Variants in NR3C1 observed in about 807,000 individuals in gnomAD.
NR3C1 encodes the protein nuclear receptor subfamily 3 group C member 1.
In NR3C1, 14 loss-of-function variants were observed where a neutral mutation model predicts 74.0. The observed-to-expected ratio is 0.19, with a 90% CI of 0.12 to 0.30. NR3C1 has a LOEUF of 0.30. Among genes scored for constraint, NR3C1 ranks in the 10% least tolerant of loss-of-function variants. The probability of loss-of-function intolerance (pLI) is 1.00; values close to 1 mark genes in which losing one functional copy is unlikely to be tolerated. For missense variants in NR3C1, 695 were observed against 909.8 expected, an observed-to-expected ratio of 0.76 and a Z score of 3.04; for synonymous variants, 308 against 332.5, an observed-to-expected ratio of 0.93 and a Z score of 0.80.
chr5:143,407,466 AT>A (rs966259649), upstream of NR3C1: 1 of 152,244 alleles, frequency 6.6e-6, no homozygotes, highest in African/African-American at 2.4e-5. Flanking sequence ...GCACATTACA[AT>A]GATAGTTCAT....
chr5:143,419,050 T>G (rs1442694052), intron 1 of NR3C1, among the ~76,000 whole-genome samples: 1 of 152,210 alleles, frequency 6.6e-6, no homozygotes, highest in African/African-American at 2.4e-5. Flanking sequence ...CAAAGCTTTT[T>G]GAGTGCTATC....
At chr5:143,335,316 G>A (rs956280353) in intron 2 of NR3C1, among the ~76,000 whole-genome samples, 2 of 152,178 alleles carry the variant, frequency 1.3e-5, no homozygotes, top group Non-Finnish European at 2.9e-5. Flanking sequence ...CCCAACTCAT[G>A]TTTTTACATC....
At chr5:143,397,223 T>C (rs1232995181) in intron 2 of NR3C1, among the ~76,000 whole-genome samples, 1 of 151,882 alleles carries the variant, frequency 6.6e-6, no homozygotes, top group African/African-American at 2.4e-5. Flanking sequence ...TTTTAAAAAG[T>C]CAAATTGCAA....
At chr5:143,317,008 T>C (rs1320419531) in intron 2 of NR3C1, among the ~76,000 whole-genome samples, 6 of 152,134 alleles carry the variant, frequency 3.9e-5, no homozygotes, top group Admixed American at 3.3e-4. Context: ...CAATCAGGCT[T>C]TTGGCATCCC....
chr5:143,391,389 T>C (rs1838194494), intron 2 of NR3C1, among the ~76,000 whole-genome samples: 1 of 152,188 alleles, frequency 6.6e-6, no homozygotes, highest in Non-Finnish European at 1.5e-5. Context: ...GTATTCAATA[T>C]ACTCAAGAGC....
In NR3C1 at chr5:143,417,726, GCC is replaced by G. The variant is rs567474556; in HGVS notation, c.-14+16804_-14+16805del. On this transcript the variant is annotated intron_variant, in intron 1 of 8. Coordinates refer to the NR3C1 transcript ENST00000343796. ...AATACACTAACTTCCTTCAAACGAA[GCC>G]CCTTTTCTCCTTACATCATGGATTG... 2.8e-3 allele frequency among the ~76,000 whole-genome samples: 429 copies of G among 152,162 alleles called. 4 individuals carry two copies. Among genetic ancestry groups the G allele is most frequent in the African/African-American group, 0.01 (417 of 41,506 alleles).
chr5:143,403,149 C>G (rs1200065156), intron 1 of NR3C1, 62 bp downstream of exon 1: 1 of 983,692 alleles, frequency 1.0e-6, no homozygotes, highest in Non-Finnish European at 1.2e-6. Context: ...GAGTTGTCTC[C>G]GGTCCCAGCG....
rs1206415970 is a variant in NR3C1 at position 143,300,766 on chromosome 5, G to A, written c.1469-3C>T. Reference sequence around the variant, plus strand: ...TATTTTTTTCTTTGTTTTTCGAGCTGTGGGTATTTAAACAAATACATAGAA... The same window carrying A: ...TATTTTTTTCTTTGTTTTTCGAGCTATGGGTATTTAAACAAATACATAGAA... On this transcript the variant is annotated splice_region_variant and splice_polypyrimidine_tract_variant and intron_variant, in intron 4 of 8. Transcript: ENST00000394464. This position sits in a 1 kb window ranked among gnomAD's most constrained non-coding sequence, Gnocchi z 5.2. 6.2e-6 allele frequency: 10 copies of A among 1,613,078 alleles called. No individual in the cohort carries two copies. Among genetic ancestry groups the A allele is most frequent in the South Asian group, 1.1e-5 (1 of 91,028 alleles).
At chr5:143,365,686 A>G (rs951957658) in intron 2 of NR3C1, among the ~76,000 whole-genome samples, 2 of 152,242 alleles carry the variant, frequency 1.3e-5, no homozygotes, top group African/African-American at 2.4e-5. Context: ...ACTCTACCCA[A>G]CAAAAGCAGA....
intron 8 of NR3C1, 98 bp downstream of exon 8, chr5:143,282,464 TGGGGGC>T: frequency 9.7e-7 from 1 of 1,026,546 alleles, no homozygotes; most frequent in Non-Finnish European, 1.3e-6. Flanking sequence ...ATCCACAAAC[TGGGGGC>T]GGGGGTGGGG....
intron 2 of NR3C1, among the ~76,000 whole-genome samples, chr5:143,360,377 TA>T (rs1484574625): frequency 2.6e-5 from 4 of 152,248 alleles, no homozygotes; most frequent in African/African-American, 9.6e-5. Context: ...TCTAAATTTA[TA>T]AATGACTGCC....
At chr5:143,420,486 C>T (rs2151959256) in intron 1 of NR3C1, among the ~76,000 whole-genome samples, 1 of 152,308 alleles carries the variant, frequency 6.6e-6, no homozygotes, top group African/African-American at 2.4e-5. Flanking sequence ...TTTGGGGTCC[C>T]TGACTTCCCG....
Position 143,399,848 on chromosome 5 carries a change from A to G in NR3C1, c.992T>C (p.Met331Thr). ...VHGVSTSGGQMYHYDMNTASL... is the reference protein window; with the variant it reads ...VHGVSTSGGQTYHYDMNTASL... ...TGCTGTATTCATGTCATAGTGGTACATCTGTCCTCCAGAGGTACTCACACC... is the reference window on the plus strand; with the variant it reads ...TGCTGTATTCATGTCATAGTGGTACGTCTGTCCTCCAGAGGTACTCACACC... The change falls in exon 2 of 9, where the codon ATG becomes ACG. Residue 331 changes from methionine to threonine, a missense_variant. This residue lies in a region of NR3C1 where 497 missense variants were observed against 489.5 expected (regional missense o/e 1.02). Coordinates refer to ENST00000394464, the MANE Select transcript of NR3C1 (RefSeq NM_000176.3). The G allele has an allele frequency of 1.2e-6, 2 of 1,614,194 alleles. No individual in the cohort carries two copies. The highest frequency in any genetic ancestry group is 1.7e-6 in the Non-Finnish European group (2 of 1,180,020).
intron 7 of NR3C1, among the ~76,000 whole-genome samples, chr5:143,292,591 T>C (rs1561485465): frequency 6.6e-6 from 1 of 152,196 alleles, no homozygotes; most frequent in African/African-American, 2.4e-5. Context: ...ATCTTCACCA[T>C]AAGAACCTTG....
rs10482687 is a variant in NR3C1 at position 143,296,946 on chromosome 5, A to G, written c.1893-1356T>C. On this transcript the variant is annotated intron_variant, in intron 6 of 8. Transcript: ENST00000394464. Reference sequence around the variant, plus strand: ...ACAAAAAATTAGCCAAGTGTGGTGGAGTGCGCCTGTAATCCCAGCTATTCG... The same window carrying G: ...ACAAAAAATTAGCCAAGTGTGGTGGGGTGCGCCTGTAATCCCAGCTATTCG... 7.9e-5 allele frequency among the ~76,000 whole-genome samples: 12 copies of G among 151,888 alleles called. No homozygotes were observed. The East Asian group carries it at 2.3e-3, about 29-fold the overall frequency.
intron 1 of NR3C1, chr5:143,401,287 TGA>T (rs1445813509): frequency 5.4e-4 from 125 of 232,570 alleles, no homozygotes; most frequent in African/African-American, 2.7e-3. Context: ...TTTGCTTTTC[TGA>T]GAACCAATAC....
At chr5:143,383,493 C>G (rs1836626194) in intron 2 of NR3C1, among the ~76,000 whole-genome samples, 1 of 152,226 alleles carries the variant, frequency 6.6e-6, no homozygotes, top group African/African-American at 2.4e-5. Context: ...CAAACATTTA[C>G]TGGGTACCTA....
At chr5:143,289,412 G>C (rs959678540) in intron 7 of NR3C1, among the ~76,000 whole-genome samples, 21 of 152,128 alleles carry the variant, frequency 1.4e-4, no homozygotes, top group African/African-American at 4.6e-4. Context: ...AATGAACCTT[G>C]TCCCTTACCT....
rs138133765 is a variant in NR3C1 at position 143,323,405 on chromosome 5, C to T, written c.1185-9237G>A. On this transcript the variant is annotated intron_variant, in intron 2 of 8. Coordinates refer to ENST00000394464, the MANE Select transcript of NR3C1 (RefSeq NM_000176.3). ...AACCCCTGATAAACCCATGAGATCT[C>T]GTCAGTCTTATTCACTATCATGAGA... Among the ~76,000 whole-genome samples, 156 of 152,184 alleles carry T rather than the reference C, an allele frequency of 1.0e-3. 3 individuals are homozygous for T. The East Asian group carries it at 0.022, about 22-fold the overall frequency.
Sources: allele counts gnomAD v4.1 joint callset (sites outside exome capture counted in the v4.1 genomes callset), GRCh38; gene constraint gnomAD v4.1.1; regional missense constraint gnomAD v4.1.1; non-coding constraint Gnocchi (gnomAD v3.1); transcripts MANE v1.5; gene names NCBI Gene and HGNC (gene_info 2026-07-23, HGNC 2026-07-21).